The following MIS18BP1 variants were observed in gnomAD, a reference collection of about 807,000 sequenced individuals.
MIS18BP1 encodes the protein MIS18 binding protein 1.
A neutral mutation model predicts 116.1 loss-of-function variants in MIS18BP1; 72 were observed. That is an observed-to-expected ratio of 0.62 (90% CI 0.51 to 0.75). MIS18BP1 has a LOEUF of 0.75. MIS18BP1 is among the 30% of genes least tolerant of loss of function. The probability of loss-of-function intolerance (pLI) is 0.00; values close to 1 mark genes in which losing one functional copy is unlikely to be tolerated. For missense variants in MIS18BP1, 1,363 were observed against 1,303.2 expected, an observed-to-expected ratio of 1.05 and a Z score of -0.71; for synonymous variants, 386 against 427.0, an observed-to-expected ratio of 0.90 and a Z score of 1.18.
At chr14:45,250,855 G>C (rs1391001060) in intron 1 of MIS18BP1, among the ~76,000 whole-genome samples, 1 of 152,130 alleles carries the variant, frequency 6.6e-6, no homozygotes, top group African/African-American at 2.4e-5. Flanking sequence ...GTCTAACACG[G>C]TGAAAACCGG....
Position 45,216,810 on chromosome 14 carries a change from A to G in MIS18BP1, c.3003+209T>C, listed in dbSNP as rs12431600. 7.0e-4 allele frequency among the ~76,000 whole-genome samples: 107 copies of G among 152,338 alleles called. 1 individual carries two copies. In the East Asian group the frequency reaches 0.013, roughly 19 times the overall value. ...GTTTACTTTACTGTTTGGTTCTACA[A>G]ACATTACCTTTGAACCAACTGAAGT... On this transcript the variant is annotated intron_variant, in intron 13 of 16. Transcript: ENST00000310806.
At chr14:45,213,234 GT>G (rs1890724657) in intron 13 of MIS18BP1, among the ~76,000 whole-genome samples, 1 of 152,146 alleles carries the variant, frequency 6.6e-6, no homozygotes, top group Non-Finnish European at 1.5e-5. Context: ...GGTAAGAATT[GT>G]GGTTTCTGCA....
chr14:45,236,846 G>A (rs1170170375), intron 5 of MIS18BP1, among the ~76,000 whole-genome samples: 1 of 152,014 alleles, frequency 6.6e-6, no homozygotes, highest in African/African-American at 2.4e-5. Context: ...AACTTGTCCA[G>A]GTAATACAGA....
chr14:45,235,900 C>G lies in MIS18BP1; in HGVS notation c.1262G>C (p.Arg421Pro), dbSNP rs371710446. The G allele has an allele frequency of 1.9e-6, 3 of 1,611,246 alleles. No homozygotes were observed. Among genetic ancestry groups the G allele is most frequent in the Non-Finnish European group, 2.5e-6 (3 of 1,178,542 alleles). ...IYWHSNVIIERIEHNKLRTIS... is the reference protein window; with the variant it reads ...IYWHSNVIIEPIEHNKLRTIS... ...AGTCCTAAGTTTGTTGTGCTCAATC[C>G]GCTCTATAATTACATTACTGTGCCA... is the stretch of plus-strand genomic sequence containing the variant. Residue 421 changes from arginine to proline, a missense_variant, in exon 6 of 17, where the codon CGG becomes CCG. By Grantham distance (103) the Arg-to-Pro change is moderately radical. Transcript: ENST00000310806.
At chr14:45,240,099 C>G (rs1891535135) in intron 4 of MIS18BP1, among the ~76,000 whole-genome samples, 2 of 152,124 alleles carry the variant, frequency 1.3e-5, no homozygotes, top group South Asian at 4.1e-4. Context: ...ATTTTCTGTG[C>G]TGGAAACATA....
chr14:45,248,096 C>G (rs1358667843), intron 1 of MIS18BP1, among the ~76,000 whole-genome samples: 2 of 139,742 alleles, frequency 1.4e-5, no homozygotes, highest in East Asian at 2.2e-4. Flanking sequence ...ACAGAGTTTC[C>G]CTCTTGTTGC....
At chr14:45,237,027 T>G (rs974006346) in intron 5 of MIS18BP1, among the ~76,000 whole-genome samples, 6 of 151,828 alleles carry the variant, frequency 4.0e-5, no homozygotes, top group African/African-American at 1.5e-4. Flanking sequence ...TTTTTTTTTT[T>G]TTTTGAGACA....
chr14:45,250,924 C>T (rs147929091), intron 1 of MIS18BP1, among the ~76,000 whole-genome samples: 107 of 151,734 alleles, frequency 7.1e-4, no homozygotes, highest in African/African-American at 2.4e-3. Context: ...GTATTCCCAG[C>T]TACTTGGGAG....
At position 45,232,714 on chromosome 14, in the gene MIS18BP1, A is replaced by C. The variant is rs901603544; in HGVS notation, c.1436+19T>G. The C allele has an allele frequency of 7.6e-7, 1 of 1,310,530 alleles. No individual in the cohort carries two copies. The highest frequency in any genetic ancestry group is 1.5e-5 in the African/African-American group (1 of 67,160). 81.2% of individuals were successfully genotyped at this position (1,310,530 alleles called of 1,614,324 possible). ...ATCTCAATAAAGTTGACTTCTAAAA[A>C]CATAAAACAACATTTTACCTTAATT... On this transcript the variant is annotated intron_variant, in intron 7 of 16. Coordinates refer to ENST00000310806, the MANE Select transcript of MIS18BP1 (RefSeq NM_018353.5).
intron 10 of MIS18BP1, among the ~76,000 whole-genome samples, chr14:45,225,889 T>TA (rs1566811107): frequency 1.3e-5 from 2 of 152,182 alleles, no homozygotes; most frequent in African/African-American, 4.8e-5. Flanking sequence ...ATGAGACTGA[T>TA]AGATAATATT....
Position 45,235,946 on chromosome 14 carries a change from T to C in MIS18BP1, c.1218-2A>G, listed in dbSNP as rs1891418438. 2 of 1,590,922 alleles carry C rather than the reference T, an allele frequency of 1.3e-6. No individual in the cohort carries two copies. The highest frequency in any genetic ancestry group is 1.7e-6 in the Non-Finnish European group (2 of 1,172,572). On this transcript the variant is annotated splice_acceptor_variant, in intron 5 of 16. Coordinates refer to ENST00000310806, the MANE Select transcript of MIS18BP1 (RefSeq NM_018353.5). LOFTEE classifies it high-confidence loss of function. ...TGCCAATATATGTTAGTGACGTCTC[T>C]AGGAAAAAAAAATAGTTTTGGTAAG... is the stretch of plus-strand genomic sequence containing the variant.
intron 7 of MIS18BP1, among the ~76,000 whole-genome samples, chr14:45,232,219 A>G (rs1461781370): frequency 2.0e-5 from 3 of 151,848 alleles, no homozygotes; most frequent in East Asian, 3.9e-4. Context: ...GATCGAGACC[A>G]TCCTGGCTAA....
intron 11 of MIS18BP1, 72 bp downstream of exon 11, chr14:45,223,846 T>C (rs1891042434): frequency 4.4e-6 from 5 of 1,130,978 alleles, no homozygotes; most frequent in Non-Finnish European, 6.2e-6. Context: ...TAACCCCTTA[T>C]TGCTATTTTT....
intron 6 of MIS18BP1, among the ~76,000 whole-genome samples, chr14:45,234,685 C>T (rs1891375550): frequency 6.6e-6 from 1 of 152,114 alleles, no homozygotes; most frequent in South Asian, 2.1e-4. Flanking sequence ...TACCAAGCAG[C>T]ACCAAGAAAC....
rs199643113 is a variant in MIS18BP1 at position 45,247,114 on chromosome 14, T to C, written c.173A>G (p.His58Arg). 4.3e-6 allele frequency: 7 copies of C among 1,612,930 alleles called. No individual in the cohort carries two copies. Among genetic ancestry groups the C allele is most frequent in the Middle Eastern group, 1.7e-4 (1 of 6,054 alleles). ...YQNSSLKLND[H>R]KKNQFLKMTT... is the part of the protein sequence containing the mutation. ...CATTTTTAGGAACTGATTCTTTTTA[T>C]GGTCATTCAATTTTAAGGAGGAGTT... is the stretch of plus-strand genomic sequence containing the variant. The change falls in exon 2 of 17, where the codon CAT becomes CGT. Residue 58 changes from histidine (H) to arginine (R), a missense_variant. Coordinates refer to ENST00000310806, the MANE Select transcript of MIS18BP1 (RefSeq NM_018353.5).
intron 12 of MIS18BP1, 58 bp downstream of exon 12, chr14:45,218,224 C>A: frequency 6.7e-7 from 1 of 1,482,886 alleles, no homozygotes; most frequent in South Asian, 1.2e-5. Context: ...TATCTGATTT[C>A]AGTGATCAGA....
rs1409338477 is a variant in MIS18BP1, at chr14:45,232,772, T to A, written c.1397A>T (p.Asn466Ile). The change falls in exon 7 of 17, where the codon AAT becomes ATT. Residue 466 changes from asparagine to isoleucine, a missense_variant. Physicochemically the swap from Asn to Ile is moderately radical, Grantham distance 149. Coordinates refer to ENST00000310806, the MANE Select transcript of MIS18BP1 (RefSeq NM_018353.5). ...AAAATTATCAATGTGCTCTTTCCAA[T>A]TTTCTGGAAATCCAAACATAAATTT... ...IRKFMFGFPENWKEHIDNFLE... is the reference protein window; with the variant it reads ...IRKFMFGFPEIWKEHIDNFLE... The A allele has an allele frequency of 3.4e-6, 5 of 1,485,098 alleles. No homozygotes were observed. The South Asian group carries it at 6.3e-5, about 19-fold the overall frequency. The allele number at this position is 1,485,098 out of a possible 1,614,324, so 92.0% of individuals were successfully genotyped here.
intron 13 of MIS18BP1, among the ~76,000 whole-genome samples, chr14:45,213,694 T>TG (rs773910980): frequency 1.3e-5 from 2 of 152,178 alleles, no homozygotes; most frequent in East Asian, 3.9e-4. Context: ...GCTTAGCCGT[T>TG]AGTAGGAACC....
intron 5 of MIS18BP1, among the ~76,000 whole-genome samples, chr14:45,237,228 T>C (rs2139222303): frequency 6.6e-6 from 1 of 152,304 alleles, no homozygotes; most frequent in African/African-American, 2.4e-5. Context: ...ACTTAATATG[T>C]AGCCGTATGG....
Sources: gnomAD v4.1 joint callset for allele counts (sites outside exome capture counted in the v4.1 genomes callset) on GRCh38, gnomAD v4.1.1 for gene constraint, MANE v1.5 for transcripts, NCBI Gene and HGNC (gene_info 2026-07-23, HGNC 2026-07-21) for gene names.